PCDHGA8: variants seen among roughly 807,000 people sequenced by gnomAD.
PCDHGA8 encodes protocadherin gamma-A8.
In PCDHGA8, 45 loss-of-function variants were observed where a neutral mutation model predicts 59.2. That is an observed-to-expected ratio of 0.76 (90% CI 0.60 to 0.98). The LOEUF (loss-of-function observed/expected upper bound fraction) is 0.98, where lower values mean the gene tolerates loss of function less well. Among genes scored for constraint, PCDHGA8 ranks in the 50% least tolerant of loss-of-function variants. The pLI, the probability that PCDHGA8 is intolerant of heterozygous loss-of-function variation, is 0.00. For synonymous variants in PCDHGA8, 531 were observed against 519.0 expected, an observed-to-expected ratio of 1.02 and a Z score of -0.32; for missense variants, 1,257 against 1,196.2, an observed-to-expected ratio of 1.05 and a Z score of -0.75.
Position 141,394,992 on chromosome 5 carries a change from G to T in PCDHGA8, c.2179G>T (p.Asp727Tyr), listed in dbSNP as rs1392246245. Reference protein sequence around the residue: ...RRWHKSRLLQDSGGRLVGVPA... With the variant: ...RRWHKSRLLQYSGGRLVGVPA... ...CTGGCACAAGTCACGCCTGCTCCAG[G>T]ATTCCGGTGGCAGATTGGTAGGCGT... is the stretch of plus-strand genomic sequence containing the variant. The change falls in exon 1 of 4, where the codon GAT becomes TAT. Residue 727 changes from aspartate to tyrosine, a missense_variant. Transcript: ENST00000398604. The T allele has an allele frequency of 3.1e-5, 50 of 1,614,044 alleles. No homozygotes were observed. Among genetic ancestry groups the T allele is most frequent in the Non-Finnish European group, 4.2e-5 (50 of 1,179,928 alleles).
intron 1 of PCDHGA8, chr5:141,426,513 C>T (rs780618436): frequency 6.2e-5 from 21 of 341,148 alleles, no homozygotes; most frequent in Non-Finnish European, 1.1e-4. Context: ...AATACTTTAC[C>T]GTGAACACGG....
At chr5:141,402,826 G>A (rs776479870) in intron 1 of PCDHGA8, 37 of 1,328,842 alleles carry the variant, frequency 2.8e-5, no homozygotes, top group Middle Eastern at 2.7e-4. Flanking sequence ...CCTGCTCCCA[G>A]GCTGCAGCAA....
intron 1 of PCDHGA8, chr5:141,423,380 G>A: frequency 6.2e-7 from 1 of 1,614,178 alleles, no homozygotes; most frequent in Non-Finnish European, 8.5e-7. Context: ...CTCAGGCTGT[G>A]GCGCTGGCAT....
rs757333940 is a variant in PCDHGA8, at chr5:141,404,777, T to A, written c.2424+9540T>A. The A allele has an allele frequency of 7.4e-6, 12 of 1,613,404 alleles. 1 individual carries two copies. In the South Asian group the frequency reaches 1.3e-4, roughly 18 times the overall value. ...GAATGCTTGGCTCTCCTACCGCCTA[T>A]TCAAGGCCAGTGAGCCAGGGCTCTT... On this transcript the variant is annotated intron_variant, in intron 1 of 3. Transcript: ENST00000398604.
chr5:141,403,694 C>T (rs746395931), intron 1 of PCDHGA8: 3 of 1,613,760 alleles, frequency 1.9e-6, no homozygotes, highest in Admixed American at 3.3e-5. Flanking sequence ...ACGGATTTAC[C>T]GAGTTAAAGT....
At position 141,400,246 on chromosome 5, in the gene PCDHGA8, G is replaced by A. The variant is rs373890751; in HGVS notation, c.2424+5009G>A. On this transcript the variant is annotated intron_variant, in intron 1 of 3. Transcript: ENST00000398604. Reference sequence around the variant, plus strand: ...CTTCCTCCTGGCCGTGATTCTGGCCGTTGCCTTGCGCCTGCGACGCTCCTC... The same window carrying A: ...CTTCCTCCTGGCCGTGATTCTGGCCATTGCCTTGCGCCTGCGACGCTCCTC... 5.0e-5 allele frequency: 81 copies of A among 1,613,984 alleles called. No homozygotes were observed. The African/African-American group carries it at 6.0e-4, about 12-fold the overall frequency.
intron 1 of PCDHGA8, chr5:141,427,468 C>T: frequency 2.0e-6 from 1 of 509,312 alleles, no homozygotes; most frequent in Middle Eastern, 3.0e-4. Flanking sequence ...ATCGAATCTT[C>T]CGCCAATAAT....
At chr5:141,497,983 C>T (rs2099780927) in intron 2 of PCDHGA8, among the ~76,000 whole-genome samples, 1 of 152,168 alleles carries the variant, frequency 6.6e-6, no homozygotes, top group African/African-American at 2.4e-5. Context: ...GTGGGAGGCC[C>T]CTGCCCTCAA....
At chr5:141,403,928 G>A in intron 1 of PCDHGA8, 1 of 1,613,876 alleles carries the variant, frequency 6.2e-7, no homozygotes, top group Non-Finnish European at 8.5e-7. Flanking sequence ...AGATGGTGGG[G>A]GATTGAAAGG....
chr5:141,450,386 A>T (rs1208546397), intron 1 of PCDHGA8, among the ~76,000 whole-genome samples: 2 of 152,192 alleles, frequency 1.3e-5, no homozygotes, highest in Non-Finnish European at 2.9e-5. Flanking sequence ...TGAAACTGAC[A>T]TTTGTAAAGA....
In PCDHGA8 at chr5:141,490,455, G is replaced by A. The variant is rs746957706; in HGVS notation, c.2425-4352G>A. The A allele has an allele frequency of 9.3e-6, 15 of 1,614,010 alleles. No individual in the cohort carries two copies. The highest frequency in any genetic ancestry group is 2.2e-5 in the South Asian group (2 of 91,084). ...TTAAGCCTTCTGAGAACCACTACTC[G>A]CTGCTAACCAGCCAGCCTTTGGACC... On this transcript the variant is annotated intron_variant, in intron 1 of 3. Coordinates refer to ENST00000398604, the MANE Select transcript of PCDHGA8 (RefSeq NM_032088.2). The surrounding 1 kb of genome is among the most constrained non-coding windows in gnomAD (Gnocchi z 5.4).
chr5:141,470,019 C>G (rs2099219272), intron 1 of PCDHGA8, among the ~76,000 whole-genome samples: 1 of 152,154 alleles, frequency 6.6e-6, no homozygotes, highest in South Asian at 2.1e-4. Context: ...ATCCCAGCTA[C>G]TCGGGATGCT....
In PCDHGA8 at chr5:141,453,631, T is replaced by C. The variant is rs114710858; in HGVS notation, c.2425-41176T>C. On this transcript the variant is annotated intron_variant, in intron 1 of 3. Transcript: ENST00000398604. ...AACGCAAAAACAAAACCTATACATATTTATATTTTCTTATGTCCTCTTCTT... is the reference window on the plus strand; with the variant it reads ...AACGCAAAAACAAAACCTATACATACTTATATTTTCTTATGTCCTCTTCTT... Among the ~76,000 whole-genome samples the C allele has an allele frequency of 8.2e-3, 1,249 of 152,332 alleles. 7 individuals are homozygous for C. Among genetic ancestry groups the C allele is most frequent in the Non-Finnish European group, 0.013 (893 of 68,030 alleles).
chr5:141,511,144 A>C lies in PCDHGA8; in HGVS notation c.2770A>C (p.Lys924Gln). 2 of 1,614,202 alleles carry C rather than the reference A, an allele frequency of 1.2e-6. No homozygotes were observed. The highest frequency in any genetic ancestry group is 1.7e-6 in the Non-Finnish European group (2 of 1,180,016). The change falls in exon 4 of 4, where the codon AAG becomes CAG. Residue 924 changes from lysine to glutamine, a missense_variant. By Grantham distance (53) the Lys-to-Gln change is moderately conservative. Transcript: ENST00000398604. Reference sequence around the variant, plus strand: ...CCCAGCAGGTGGCAATGGCAACAAGAAGAAGTCGGGCAAGAAGGAGAAGAA... The same window carrying C: ...CCCAGCAGGTGGCAATGGCAACAAGCAGAAGTCGGGCAAGAAGGAGAAGAA... ...KAPAGGNGNK[K>Q]KSGKKEKK
At chr5:141,465,747 A>G (rs2099108470) in intron 1 of PCDHGA8, among the ~76,000 whole-genome samples, 2 of 151,126 alleles carry the variant, frequency 1.3e-5, no homozygotes, top group African/African-American at 4.9e-5. Flanking sequence ...TCAGGATCAG[A>G]CTGGTAAAGT....
chr5:141,497,840 C>T (rs1326804289), intron 2 of PCDHGA8, among the ~76,000 whole-genome samples: 1 of 152,154 alleles, frequency 6.6e-6, no homozygotes, highest in Non-Finnish European at 1.5e-5. Context: ...CCGGCCACAA[C>T]AAACATTTTT....
In PCDHGA8 at chr5:141,393,501, G is replaced by C. The variant is rs754946327; in HGVS notation, c.688G>C (p.Val230Leu). ...TCGCTCTAGCACAGTGCGCATCCAC[G>C]TGACAGTGTTGGATACAAATGACAA... The part of the protein sequence containing the change: ...PPRSSTVRIH[V>L]TVLDTNDNAP... The change falls in exon 1 of 4, where the codon GTG becomes CTG. Residue 230 changes from valine to leucine, a missense_variant. By Grantham distance (32) the Val-to-Leu change is conservative. Coordinates refer to ENST00000398604, the MANE Select transcript of PCDHGA8 (RefSeq NM_032088.2). 3 of 1,614,044 alleles carry C rather than the reference G, an allele frequency of 1.9e-6. No individual in the cohort carries two copies. The highest frequency in any genetic ancestry group is 2.5e-6 in the Non-Finnish European group (3 of 1,179,908).
At chr5:141,399,256 G>T in intron 1 of PCDHGA8, 3 of 1,613,964 alleles carry the variant, frequency 1.9e-6, no homozygotes, top group Non-Finnish European at 2.5e-6. Flanking sequence ...GGAAAATGGG[G>T]AGGTTAATTG....
intron 1 of PCDHGA8, chr5:141,424,567 A>T (rs1034112526): frequency 3.3e-5 from 5 of 152,176 alleles, no homozygotes; most frequent in African/African-American, 7.2e-5. Flanking sequence ...CTTCTCAAAA[A>T]CCTATTTTCA....
Sources: allele counts gnomAD v4.1 joint callset (sites outside exome capture counted in the v4.1 genomes callset), GRCh38; gene constraint gnomAD v4.1.1; non-coding constraint Gnocchi (gnomAD v3.1); transcripts MANE v1.5; gene names NCBI Gene and HGNC (gene_info 2026-07-23, HGNC 2026-07-21).